The following TAB1 variants were observed in gnomAD, a reference collection of about 807,000 sequenced individuals.
The protein encoded by TAB1 is TGF-beta-activated kinase 1 and MAP3K7-binding protein 1.
A neutral mutation model predicts 54.5 loss-of-function variants in TAB1; 30 were observed. That is an observed-to-expected ratio of 0.55 (90% CI 0.41 to 0.75). The LOEUF is 0.75. TAB1 is among the 30% of genes least tolerant of loss of function. The probability of loss-of-function intolerance (pLI) is 0.00; values close to 1 mark genes in which losing one functional copy is unlikely to be tolerated. For missense variants in TAB1, 609 were observed against 683.2 expected (o/e 0.89, Z 1.21); for synonymous variants, 289 against 286.9 (o/e 1.01, Z -0.07).
At chr22:39,405,790 A>G (rs1209140832) in intron 1 of TAB1, among the ~76,000 whole-genome samples, 1 of 152,196 alleles carries the variant, frequency 6.6e-6, no homozygotes, top group East Asian at 1.9e-4. Flanking sequence ...ACGGGAGAAC[A>G]CGATCCAAGC....
At chr22:39,410,598 G>T (rs1401243768) in intron 1 of TAB1, among the ~76,000 whole-genome samples, 4 of 150,736 alleles carry the variant, frequency 2.7e-5, no homozygotes, top group Admixed American at 2.7e-4. Context: ...GTAGGGTTTG[G>T]TTATACTGTC....
At chr22:39,400,365 T>G (rs1295819448) in intron 1 of TAB1, among the ~76,000 whole-genome samples, 1 of 152,122 alleles carries the variant, frequency 6.6e-6, no homozygotes, top group East Asian at 1.9e-4. Flanking sequence ...TGAGGCAGGA[T>G]TAAAATCAGG....
At chr22:39,413,618 T>C (rs568656545) in intron 1 of TAB1, among the ~76,000 whole-genome samples, 2 of 152,100 alleles carry the variant, frequency 1.3e-5, no homozygotes, top group East Asian at 3.9e-4. Context: ...AGAGATGGGG[T>C]TTCACCAGGT....
intron 8 of TAB1, among the ~76,000 whole-genome samples, chr22:39,425,531 A>G (rs5757664): frequency 0.73 from 111,058 of 151,922 alleles, 40,983 homozygotes; most frequent in East Asian, 1. Context: ...TGTTCAGTAG[A>G]TTAGGTGCAT....
chr22:39,431,558 G>A lies in TAB1; in HGVS notation c.*1336G>A. Reference sequence around the variant, plus strand: ...GTGCTTGGTCTCTGCGAAGTCAAAGGCCTGACAGCTCTGTGGCCTGGGAAT... The same window carrying A: ...GTGCTTGGTCTCTGCGAAGTCAAAGACCTGACAGCTCTGTGGCCTGGGAAT... On this transcript the variant is annotated 3_prime_UTR_variant, in exon 11 of 11. Coordinates refer to ENST00000216160, the MANE Select transcript of TAB1 (RefSeq NM_006116.3). 1 of 985,486 alleles carries A rather than the reference G, an allele frequency of 1.0e-6. No homozygotes were observed. Among genetic ancestry groups the A allele is most frequent in the Non-Finnish European group, 1.2e-6 (1 of 829,966 alleles). 61.0% of individuals were successfully genotyped at this position (985,486 alleles called of 1,614,324 possible). A position where few individuals can be genotyped will look rare whatever the true frequency, so the allele number is the denominator to read the frequency against.
At chr22:39,427,951 A>G in intron 9 of TAB1, 70 bp from the exon 10 acceptor site, 1 of 1,426,452 alleles carries the variant, frequency 7.0e-7, no homozygotes, top group East Asian at 2.3e-5. Flanking sequence ...GCCATGGAGC[A>G]GCTATGCCCC....
downstream of TAB1, among the ~76,000 whole-genome samples, chr22:39,436,095 C>T (rs900512375): frequency 2.0e-5 from 3 of 152,154 alleles, no homozygotes; most frequent in Admixed American, 6.5e-5. Flanking sequence ...AGTTTGAGAC[C>T]AGCCTGGCCA....
In TAB1 at chr22:39,421,069, C is replaced by A. The variant is rs531187771; in HGVS notation, c.777-758C>A. On this transcript the variant is annotated intron_variant, in intron 7 of 10. Coordinates refer to ENST00000216160, the MANE Select transcript of TAB1 (RefSeq NM_006116.3). Reference sequence around the variant, plus strand: ...CTCCCAGGTGCTGGTGTGTCCTGCTCCTCCTTCTTTTCTTTTTTTTTAAAC... The same window carrying A: ...CTCCCAGGTGCTGGTGTGTCCTGCTACTCCTTCTTTTCTTTTTTTTTAAAC... 2.0e-5 allele frequency among the ~76,000 whole-genome samples: 3 copies of A among 151,566 alleles called. No individual in the cohort carries two copies. The East Asian group carries it at 5.8e-4, about 29-fold the overall frequency.
chr22:39,431,906 G>A, downstream of TAB1: 1 of 983,744 alleles, frequency 1.0e-6, no homozygotes, highest in Non-Finnish European at 1.2e-6. Flanking sequence ...CATGTTTCCT[G>A]TAACTCGCAG....
intron 10 of TAB1, chr22:39,429,307 G>T: frequency 1.0e-6 from 1 of 985,352 alleles, no homozygotes; most frequent in South Asian, 4.7e-5. Flanking sequence ...TGCCCGCCCT[G>T]CTGAGTAGGT....
chr22:39,435,706 G>A (rs1170210707), downstream of TAB1, among the ~76,000 whole-genome samples: 2 of 151,968 alleles, frequency 1.3e-5, no homozygotes, highest in African/African-American at 2.4e-5. Flanking sequence ...AGCAGCCACC[G>A]CACACACTGG....
chr22:39,425,473 A>G (rs1229979258), intron 8 of TAB1, among the ~76,000 whole-genome samples: 2 of 152,136 alleles, frequency 1.3e-5, no homozygotes, highest in Non-Finnish European at 2.9e-5. Flanking sequence ...GCCGTAGGCT[A>G]ATAGAAGTGT....
intron 1 of TAB1, among the ~76,000 whole-genome samples, chr22:39,412,021 G>GT (rs1376124140): frequency 6.6e-6 from 1 of 151,706 alleles, no homozygotes; most frequent in Non-Finnish European, 1.5e-5. Context: ...ATGTGACATT[G>GT]TGTGACATTG....
chr22:39,428,174 C>T lies in TAB1; in HGVS notation c.1298C>T (p.Thr433Ile), dbSNP rs1387025284. The T allele has an allele frequency of 4.4e-6, 7 of 1,603,930 alleles. No homozygotes were observed. The East Asian group carries it at 1.6e-4, about 36-fold the overall frequency. The change falls in exon 10 of 11, where the codon ACC becomes ATC. Residue 433 changes from threonine to isoleucine, a missense_variant. Coordinates refer to ENST00000216160, the MANE Select transcript of TAB1 (RefSeq NM_006116.3). Reference protein sequence around the residue: ...SASTLDEATPTLTNQSPTLTL... With the variant: ...SASTLDEATPILTNQSPTLTL... ...TCCACCCTGGACGAAGCCACCCCCA[C>T]CCTCACCAAGTAAGTCCCTTCCCCA...
chr22:39,408,809 C>G (rs566828320), intron 1 of TAB1, among the ~76,000 whole-genome samples: 3 of 152,098 alleles, frequency 2.0e-5, no homozygotes, highest in Non-Finnish European at 4.4e-5. Flanking sequence ...CCTCACTGGC[C>G]TTTTTTAATA....
rs749158510 is a variant in TAB1 at position 39,416,756 on chromosome 22, T to G, written c.325-35T>G. 4.4e-6 allele frequency: 7 copies of G among 1,605,636 alleles called. No individual in the cohort carries two copies. The African/African-American group carries it at 9.4e-5, about 21-fold the overall frequency. ...TTTGGCACCAGTGACAGTGGTGTTT[T>G]GAACCAGCCTTTGCCCTGTCCTGTG... On this transcript the variant is annotated intron_variant, in intron 3 of 10. Coordinates refer to ENST00000216160, the MANE Select transcript of TAB1 (RefSeq NM_006116.3).
chr22:39,421,852 G>T lies in TAB1; in HGVS notation c.802G>T (p.Ala268Ser). The T allele has an allele frequency of 6.2e-7, 1 of 1,613,948 alleles. No homozygotes were observed. Among genetic ancestry groups the T allele is most frequent in the Non-Finnish European group, 8.5e-7 (1 of 1,179,972 alleles). Residue 268 changes from alanine to serine, a missense_variant, in exon 8 of 11, where the codon GCA becomes TCA. By Grantham distance (99) the Ala-to-Ser change is moderately conservative (BLOSUM62 1). Coordinates refer to ENST00000216160, the MANE Select transcript of TAB1 (RefSeq NM_006116.3). ...CGCTGCCAAGTCCAAACCAATCATC[G>T]CAGAGCCAGAAATCCATGGGGCACA... is the stretch of plus-strand genomic sequence containing the variant. ...LSAAKSKPII[A>S]EPEIHGAQPL...
At chr22:39,426,649 GC>G in intron 8 of TAB1, 53 bp from the exon 9 acceptor site, 2 of 1,481,312 alleles carry the variant, frequency 1.4e-6, no homozygotes, top group Non-Finnish European at 9.2e-7. Flanking sequence ...TATGGCCCAT[GC>G]CCCCCAGGCC....
At chr22:39,418,139 A>C (rs1051207710) in intron 5 of TAB1, among the ~76,000 whole-genome samples, 2 of 152,174 alleles carry the variant, frequency 1.3e-5, no homozygotes, top group Non-Finnish European at 2.9e-5. Flanking sequence ...CTGCTTCTGG[A>C]AGAGGTTACC....
Sources: gnomAD v4.1 joint callset for allele counts (sites outside exome capture counted in the v4.1 genomes callset) on GRCh38, gnomAD v4.1.1 for gene constraint, MANE v1.5 for transcripts, NCBI Gene and HGNC (gene_info 2026-07-23, HGNC 2026-07-21) for gene names.